Variants in GRB10 observed in about 807,000 individuals in gnomAD.
GRB10 encodes the protein growth factor receptor bound protein 10, also known as growth factor receptor-bound protein 10.
In GRB10, 20 loss-of-function variants were observed where a neutral mutation model predicts 80.9. That is an observed-to-expected ratio of 0.25 (90% confidence interval 0.17 to 0.36). The LOEUF is 0.36. Ranked by LOEUF, GRB10 falls within the 10% of genes least tolerant of loss-of-function variation. GRB10 has a pLI of 1.00. For synonymous variants in GRB10, 291 were observed against 291.5 expected (o/e 1.00, Z 0.02); for missense variants, 548 against 747.7 (o/e 0.73, Z 3.12).
chr7:50,722,766 A>C (rs1229153690), intron 4 of GRB10, among the ~76,000 whole-genome samples: 1 of 152,144 alleles, frequency 6.6e-6, no homozygotes, highest in Non-Finnish European at 1.5e-5. Flanking sequence ...CCTGGCCTCC[A>C]AACACACAGC....
At chr7:50,606,453 G>A in intron 13 of GRB10, 39 bp from the exon 14 acceptor site, 3 of 1,486,712 alleles carry the variant, frequency 2.0e-6, no homozygotes, top group Non-Finnish European at 2.8e-6. Flanking sequence ...CGGCCCGGGA[G>A]CCCCGAGGCC....
intron 1 of GRB10, among the ~76,000 whole-genome samples, chr7:50,788,730 C>T (rs1488501042): frequency 1.3e-5 from 2 of 152,248 alleles, no homozygotes; most frequent in South Asian, 2.1e-4. Context: ...CCCACTAGCA[C>T]AGCCCTGGAT....
intron 4 of GRB10, chr7:50,705,274 T>G (rs1326634910): frequency 6.1e-6 from 6 of 985,768 alleles, no homozygotes; most frequent in Non-Finnish European, 7.2e-6. Flanking sequence ...AGAAGGAGGA[T>G]GTTTGTTCCC....
intron 7 of GRB10, among the ~76,000 whole-genome samples, chr7:50,646,026 C>T (rs1008715218): frequency 6.6e-6 from 1 of 152,230 alleles, no homozygotes; most frequent in Non-Finnish European, 1.5e-5. Flanking sequence ...TCTGCTCCAG[C>T]AATGACACTG....
At chr7:50,770,866 C>T (rs772291069) in intron 2 of GRB10, among the ~76,000 whole-genome samples, 65 of 152,018 alleles carry the variant, frequency 4.3e-4, no homozygotes, top group Middle Eastern at 3.4e-3. Flanking sequence ...TTTTTAAATG[C>T]CTGTCAATTC....
intron 4 of GRB10, among the ~76,000 whole-genome samples, chr7:50,718,568 C>A (rs2067233408): frequency 6.6e-6 from 1 of 152,160 alleles, no homozygotes; most frequent in African/African-American, 2.4e-5. Flanking sequence ...GTATAGAACT[C>A]AGGGACTCTC....
chr7:50,662,236 C>T (rs1296065900), intron 7 of GRB10, among the ~76,000 whole-genome samples: 1 of 152,064 alleles, frequency 6.6e-6, no homozygotes, highest in African/African-American at 2.4e-5. Flanking sequence ...GAGGTGCTGT[C>T]CTTAAAAGCC....
At chr7:50,611,975 A>G (rs531091361) in intron 13 of GRB10, among the ~76,000 whole-genome samples, 40 of 152,344 alleles carry the variant, frequency 2.6e-4, no homozygotes, top group African/African-American at 9.4e-4. Flanking sequence ...CATGTGGGAT[A>G]TGGTATATGT....
chr7:50,705,246 C>G (rs1222717085), intron 4 of GRB10: 1 of 985,654 alleles, frequency 1.0e-6, no homozygotes, highest in African/African-American at 1.7e-5. Context: ...AGGGTCAGCT[C>G]ACCCACATCT....
chr7:50,705,064 T>G (rs2153669409), intron 4 of GRB10: 1 of 823,312 alleles, frequency 1.2e-6, no homozygotes, highest in South Asian at 5.5e-5. Flanking sequence ...CAGCAAGCAG[T>G]TTCTCTGCCC....
chr7:50,606,490 A>C (rs1243595111), intron 13 of GRB10, 76 bp from the exon 14 acceptor site: 1 of 1,031,438 alleles, frequency 9.7e-7, no homozygotes, highest in South Asian at 1.3e-5. Flanking sequence ...CCACAGCAGG[A>C]AAGGGCAATG....
At position 50,644,184 on chromosome 7, in the gene GRB10, C is replaced by T. The variant is rs79865378; in HGVS notation, c.505-17206G>A. ...ACACTCAGCCAGTGTGGCTCAATCA[C>T]AGACTAGGAGCTCAATGGGTTCAAC... On this transcript the variant is annotated intron_variant, in intron 7 of 18. Transcript: ENST00000401949. Among the ~76,000 whole-genome samples, 43 of 152,308 alleles carry T rather than the reference C, an allele frequency of 2.8e-4. No homozygotes were observed. In the East Asian group the frequency reaches 8.1e-3, roughly 29 times the overall value.
intron 7 of GRB10, among the ~76,000 whole-genome samples, chr7:50,664,408 G>A (rs567788702): frequency 1.2e-4 from 19 of 152,318 alleles, no homozygotes; most frequent in African/African-American, 4.6e-4. Flanking sequence ...TACAGCAGAG[G>A]GAGACAGTCA....
chr7:50,778,941 G>C (rs745336815), intron 2 of GRB10, among the ~76,000 whole-genome samples: 1 of 152,164 alleles, frequency 6.6e-6, no homozygotes, highest in African/African-American at 2.4e-5. Context: ...ATAAACAAAA[G>C]AGAAACCACT....
chr7:50,654,376 G>A (rs1194554488), intron 7 of GRB10, among the ~76,000 whole-genome samples: 2 of 152,136 alleles, frequency 1.3e-5, no homozygotes, highest in Admixed American at 1.3e-4. Context: ...TCAGGTGGCC[G>A]CTGCCAAGCC....
At chr7:50,681,627 A>G (rs1207963091) in intron 5 of GRB10, among the ~76,000 whole-genome samples, 7 of 152,246 alleles carry the variant, frequency 4.6e-5, no homozygotes, top group Admixed American at 4.6e-4. Flanking sequence ...CTGGTTTATG[A>G]GCCTCTTTCC....
intron 6 of GRB10, among the ~76,000 whole-genome samples, chr7:50,672,543 C>T (rs2060474853): frequency 6.6e-6 from 1 of 152,116 alleles, no homozygotes; most frequent in South Asian, 2.1e-4. Context: ...AGACATTGGG[C>T]CCAAGGAACA....
chr7:50,609,855 C>T (rs1430748977), intron 13 of GRB10, among the ~76,000 whole-genome samples: 1 of 152,204 alleles, frequency 6.6e-6, no homozygotes. Context: ...GCTGGCGCTA[C>T]TAAGAGCATC....
At position 50,640,766 on chromosome 7, in the gene GRB10, T is replaced by C. The variant is rs141994896; in HGVS notation, c.505-13788A>G. Among the ~76,000 whole-genome samples the C allele has an allele frequency of 2.3e-3, 355 of 152,338 alleles. 1 individual carries two copies. Among genetic ancestry groups the C allele is most frequent in the Non-Finnish European group, 4.1e-3 (279 of 68,030 alleles). ...ACCTCATCCATGATATCCAGGAGTA[T>C]GAGCTGAAGTTTTTCCTAAATTGGA... On this transcript the variant is annotated intron_variant, in intron 7 of 18. Transcript: ENST00000401949.
Sources: allele counts gnomAD v4.1 joint callset (sites outside exome capture counted in the v4.1 genomes callset), GRCh38; gene constraint gnomAD v4.1.1; transcripts MANE v1.5; gene names NCBI Gene and HGNC (gene_info 2026-07-23, HGNC 2026-07-21).